ADGRD2: variants seen among roughly 807,000 people sequenced by gnomAD.
The protein encoded by ADGRD2 is adhesion G protein-coupled receptor D2.
A neutral mutation model predicts 44.4 loss-of-function variants in ADGRD2; 71 were observed. The ratio of observed to expected loss-of-function variants is 1.60; its 90% CI spans 1.32 to 1.95. The LOEUF (loss-of-function observed/expected upper bound fraction) is 1.95. Among genes scored for constraint, ADGRD2 ranks in the 30% most tolerant of loss-of-function variants. The probability of loss-of-function intolerance (pLI) is 0.00; values close to 1 mark genes in which losing one functional copy is unlikely to be tolerated. For missense variants in ADGRD2, 1,039 were observed against 512.4 expected, an observed-to-expected ratio of 2.03 and a Z score of -9.92; for synonymous variants, 481 against 224.8, an observed-to-expected ratio of 2.14 and a Z score of -10.19.
chr9:124,466,036 A>G, intron 10 of ADGRD2: 1 of 369,776 alleles, frequency 2.7e-6, no homozygotes, highest in Non-Finnish European at 4.9e-6. Context: ...GTAATTAATT[A>G]AGTTGATAAA....
At chr9:124,470,260 G>A (rs920514324) in intron 16 of ADGRD2, among the ~76,000 whole-genome samples, 1 of 152,172 alleles carries the variant, frequency 6.6e-6, no homozygotes, top group Non-Finnish European at 1.5e-5. Flanking sequence ...TGGGGGCTGG[G>A]ACCCCATCTC....
chr9:124,451,962 A>G (rs1831480421), upstream of ADGRD2: 7 of 657,434 alleles, frequency 1.1e-5, no homozygotes, highest in South Asian at 1.2e-4. Context: ...ATTTGAATCC[A>G]GGTCTGACTG....
rs116810303 is a variant in ADGRD2 at position 124,476,484 on chromosome 9, G to A, written c.2904+69G>A. The A allele has an allele frequency of 4.8e-3, 3,243 of 676,958 alleles. 95 individuals carry two copies. The African/African-American group carries it at 0.052, about 11-fold the overall frequency. 41.9% of individuals were successfully genotyped at this position (676,958 alleles called of 1,614,324 possible). A position where few individuals can be genotyped will look rare whatever the true frequency, so the allele number is the denominator to read the frequency against. ...GCTGGCAAAGCCAGCAGGCAAAGTC[G>A]GGAAGCCACAGGGCCTGGGTAGGGC... is the stretch of plus-strand genomic sequence containing the variant. On this transcript the variant is annotated intron_variant, in intron 20 of 21. Coordinates refer to ENST00000334810, the Ensembl canonical transcript of ADGRD2.
At chr9:124,462,825 A>T (rs975429913) in intron 10 of ADGRD2, among the ~76,000 whole-genome samples, 2 of 152,056 alleles carry the variant, frequency 1.3e-5, no homozygotes, top group African/African-American at 4.8e-5. Flanking sequence ...ACACTTGCTC[A>T]TGTTGTCTGC....
In ADGRD2 at chr9:124,454,244, G is replaced by A. The variant is rs1248775976; in HGVS notation, c.1022+147G>A. On this transcript the variant is annotated intron_variant, in intron 4 of 21. Coordinates refer to ENST00000334810, the Ensembl canonical transcript of ADGRD2. This position sits in a 1 kb window ranked among gnomAD's most constrained non-coding sequence, Gnocchi z 4.5. ...GTCTCCATGGAGTCTAGGCCACAGA[G>A]CAGTGGGTCCAGACGGACCTAAGGG... The A allele has an allele frequency of 1.7e-6, 1 of 597,638 alleles. No individual in the cohort carries two copies. The allele number at this position is 597,638 out of a possible 1,614,324, so 37.0% of individuals were successfully genotyped here.
chr9:124,467,735 G>A, exon 12 of ADGRD2: 1 of 718,540 alleles, frequency 1.4e-6, no homozygotes, highest in Non-Finnish European at 2.6e-6. Flanking sequence ...GCCCTGAGGA[G>A]GAGTCGCTGC....
rs1282350198 is a variant in ADGRD2, at chr9:124,477,420, C to T, written c.*18+711C>T. ...AAGGCAAGAGCGCTGTTCACCAGGCCCCTCCCAGGGGCAGGTTCAGTGCTC... is the reference window on the plus strand; with the variant it reads ...AAGGCAAGAGCGCTGTTCACCAGGCTCCTCCCAGGGGCAGGTTCAGTGCTC... On this transcript the variant is annotated intron_variant, in intron 21 of 21. Transcript: ENST00000334810. Among the ~76,000 whole-genome samples, 3 of 152,346 alleles carry T rather than the reference C, an allele frequency of 2.0e-5. 1 individual carries two copies. Among genetic ancestry groups the T allele is most frequent in the South Asian group, 4.1e-4 (2 of 4,832 alleles).
chr9:124,456,633 G>T lies in ADGRD2; in HGVS notation c.1407G>T (p.Gly469=), dbSNP rs571148661. ...CAGCGTCCTCCCAGGTGATTGGTGG[G>T]CCTATGGCCCTGGTGGCGAGTGTGC... The change falls in exon 7 of 22, where the codon GGG becomes GGT. Residue 469 remains glycine, a synonymous_variant. Transcript: ENST00000334810. The T allele has an allele frequency of 4.2e-6, 3 of 718,122 alleles. No homozygotes were observed. The East Asian group carries it at 8.0e-5, about 19-fold the overall frequency. The allele number at this position is 718,122 out of a possible 1,614,324, so 44.5% of individuals were successfully genotyped here.
chr9:124,460,667 G>A (rs1190340500), intron 10 of ADGRD2, among the ~76,000 whole-genome samples: 1 of 151,806 alleles, frequency 6.6e-6, no homozygotes, highest in African/African-American at 2.4e-5. Context: ...GTAGTACTGA[G>A]GTATATGGAT....
chr9:124,475,697 C>T, intron 19 of ADGRD2, 82 bp downstream of exon 22: 4 of 565,274 alleles, frequency 7.1e-6, no homozygotes, highest in Non-Finnish European at 1.3e-5. Flanking sequence ...TCCTTTAAGT[C>T]CCGTGCCAGC....
At position 124,454,118 on chromosome 9, in the gene ADGRD2, T is replaced by G. The variant is rs772522106; in HGVS notation, c.1022+21T>G. On this transcript the variant is annotated intron_variant, in intron 4 of 21. Transcript: ENST00000334810. The surrounding 1 kb of genome is among the most constrained non-coding windows in gnomAD (Gnocchi z 4.5). ...GACAGGTGCGCCCTGGCTGTACCCC[T>G]GGGCTCTGCTGAAGGGAAAGCCGGT... 3.0e-6 allele frequency: 2 copies of G among 665,018 alleles called. No homozygotes were observed. The highest frequency in any genetic ancestry group is 2.5e-5 in the Admixed American group (1 of 40,028). The allele number at this position is 665,018 out of a possible 1,614,324, so 41.2% of individuals were successfully genotyped here.
At chr9:124,467,660 G>A (rs1194623180) in intron 11 of ADGRD2, 61 bp from the exon 15 acceptor site, 16 of 710,314 alleles carry the variant, frequency 2.3e-5, no homozygotes, top group Middle Eastern at 5.1e-4. Flanking sequence ...CAGGTGGGGC[G>A]AGTTCTGGCC....
intron 7 of ADGRD2, 101 bp from the exon 11 acceptor site, chr9:124,457,371 G>C (rs543503491): frequency 2.1e-6 from 1 of 477,020 alleles, no homozygotes; most frequent in East Asian, 3.1e-5. Context: ...TGGCCTCCTA[G>C]GCCTATGGCA....
At chr9:124,450,533 A>G (rs964209506), upstream of ADGRD2, among the ~76,000 whole-genome samples, 1 of 152,244 alleles carries the variant, frequency 6.6e-6, no homozygotes, top group Non-Finnish European at 1.5e-5. Flanking sequence ...AGCTGGGAAC[A>G]GGGGAGGGAC....
Position 124,468,452 on chromosome 9 carries a change from G to T in ADGRD2, c.2234-67G>T, listed in dbSNP as rs556221287. ...GGTTGGCAAGGCCGGGCTGGGCATGGGCCGCGGGGCTGGCCTGCACCTGCG... is the reference window on the plus strand; with the variant it reads ...GGTTGGCAAGGCCGGGCTGGGCATGTGCCGCGGGGCTGGCCTGCACCTGCG... On this transcript the variant is annotated intron_variant, in intron 13 of 21. Transcript: ENST00000334810. 4.2e-5 allele frequency: 30 copies of T among 714,712 alleles called. 2 individuals are homozygous for T. The South Asian group carries it at 4.4e-4, about 11-fold the overall frequency. The allele number at this position is 714,712 out of a possible 1,614,324, so 44.3% of individuals were successfully genotyped here. A position where few individuals can be genotyped will look rare whatever the true frequency, so the allele number is the denominator to read the frequency against.
chr9:124,452,728 T>C lies in ADGRD2; in HGVS notation c.281+6T>C, dbSNP rs1450600997. ...GCGGAGACCCCCACAGAGGCGTGAG[T>C]GTGGGCCCCTGGGAAATGGGAGCAA... On this transcript the variant is annotated splice_donor_region_variant and intron_variant, in intron 2 of 21. Coordinates refer to ENST00000334810, the Ensembl canonical transcript of ADGRD2. The C allele has an allele frequency of 1.4e-6, 1 of 706,634 alleles. No homozygotes were observed. The highest frequency in any genetic ancestry group is 2.0e-5 in the Admixed American group (1 of 49,898). 43.8% of individuals were successfully genotyped at this position (706,634 alleles called of 1,614,324 possible).
chr9:124,450,699 C>T (rs1831451073), upstream of ADGRD2, among the ~76,000 whole-genome samples: 1 of 152,230 alleles, frequency 6.6e-6, no homozygotes, highest in Non-Finnish European at 1.5e-5. Context: ...GGCGCGAATC[C>T]AGGCAGACGT....
In ADGRD2 at chr9:124,455,133, G is replaced by A; in HGVS notation, c.1393+6G>A. ...CATGGCTCTCCCTCCGTGAAGTGAG[G>A]CTGGCAGGGCTGGGTGGGGCAGGGG... On this transcript the variant is annotated splice_donor_region_variant and intron_variant, in intron 6 of 21. Coordinates refer to ENST00000334810, the Ensembl canonical transcript of ADGRD2. 1.4e-6 allele frequency: 1 copy of A among 690,888 alleles called. No individual in the cohort carries two copies. Among genetic ancestry groups the A allele is most frequent in the Non-Finnish European group, 2.7e-6 (1 of 368,272 alleles). 42.8% of individuals were successfully genotyped at this position (690,888 alleles called of 1,614,324 possible).
chr9:124,475,596 C>A, exon 19 of ADGRD2: 1 of 682,438 alleles, frequency 1.5e-6, no homozygotes, highest in South Asian at 1.5e-5. Flanking sequence ...CAGAGGATGG[C>A]TGAGAAGAAG....
Sources: gnomAD v4.1 joint callset for allele counts (sites outside exome capture counted in the v4.1 genomes callset) on GRCh38, gnomAD v4.1.1 for gene constraint, Gnocchi (gnomAD v3.1) non-coding constraint, MANE v1.5 for transcripts, NCBI Gene and HGNC (gene_info 2026-07-23, HGNC 2026-07-21) for gene names.